Variants in COLEC11 observed in about 807,000 individuals in gnomAD.
The protein encoded by COLEC11 is collectin-11.
In COLEC11, 20 loss-of-function variants were observed where a neutral mutation model predicts 27.3. The observed-to-expected ratio is 0.73, with a 90% CI of 0.51 to 1.06. COLEC11 has a LOEUF of 1.06. COLEC11 is among the 50% of genes least tolerant of loss of function. The pLI is 0.00. For missense variants in COLEC11, 310 were observed against 383.0 expected, an observed-to-expected ratio of 0.81 and a Z score of 1.59; for synonymous variants, 163 against 154.7, an observed-to-expected ratio of 1.05 and a Z score of -0.40.
chr2:3,629,265 C>T (rs551224512), intron 3 of COLEC11, among the ~76,000 whole-genome samples: 9 of 152,324 alleles, frequency 5.9e-5, no homozygotes, highest in South Asian at 4.1e-4. Context: ...TGGATTTCAA[C>T]GGTTCTCACC....
intron 3 of COLEC11, chr2:3,617,451 A>G (rs747671714): frequency 3.1e-5 from 39 of 1,253,144 alleles, no homozygotes; most frequent in East Asian, 1.2e-4. Context: ...ACTTGATCCA[A>G]TCTCTTTGCA....
At chr2:3,597,325 T>C (rs1474141905) in intron 1 of COLEC11, among the ~76,000 whole-genome samples, 4 of 147,832 alleles carry the variant, frequency 2.7e-5, no homozygotes, top group Admixed American at 1.4e-4. Flanking sequence ...TGGGCTGCTC[T>C]GGTGTCAGTG....
At chr2:3,606,944 C>T (rs1469032563) in intron 2 of COLEC11, among the ~76,000 whole-genome samples, 3 of 152,338 alleles carry the variant, frequency 2.0e-5, no homozygotes, top group South Asian at 2.1e-4. Flanking sequence ...ATTAGACAAG[C>T]GTCCGTTGAG....
chr2:3,632,093 G>A (rs2147939805), intron 3 of COLEC11, among the ~76,000 whole-genome samples: 1 of 152,320 alleles, frequency 6.6e-6, no homozygotes, highest in South Asian at 2.1e-4. Context: ...TGCTCGCTGT[G>A]ACCCGAGGCA....
intron 3 of COLEC11, among the ~76,000 whole-genome samples, chr2:3,613,599 A>G (rs529819070): frequency 7.6e-4 from 115 of 152,300 alleles, no homozygotes; most frequent in Middle Eastern, 3.4e-3. Context: ...GCTCTAGGAA[A>G]GAAAGTGTGT....
chr2:3,617,014 T>G (rs1159528233), intron 3 of COLEC11, among the ~76,000 whole-genome samples: 3 of 152,356 alleles, frequency 2.0e-5, no homozygotes, highest in Admixed American at 6.5e-5. Flanking sequence ...CTGTTGTGAA[T>G]AATGCTGCAG....
chr2:3,632,419 T>C (rs888387147), intron 3 of COLEC11, among the ~76,000 whole-genome samples: 4 of 152,128 alleles, frequency 2.6e-5, no homozygotes, highest in Non-Finnish European at 5.9e-5. Flanking sequence ...GGGATCCGGG[T>C]GCCGGCAGGG....
At chr2:3,623,658 A>T (rs35366401) in intron 3 of COLEC11, among the ~76,000 whole-genome samples, 53,718 of 150,638 alleles carry the variant, frequency 0.36, 11,731 homozygotes, top group South Asian at 0.61. Context: ...TTCTTTTTTT[A>T]AAAAAAAATC....
At chr2:3,643,660 GT>G in intron 6 of COLEC11, 66 bp from the exon 7 acceptor site, 1 of 1,611,102 alleles carries the variant, frequency 6.2e-7, no homozygotes, top group Non-Finnish European at 8.5e-7. Context: ...CCTGCTGCCT[GT>G]GGCTGTGCCT....
At chr2:3,620,448 TCTAG>T (rs900020696) in intron 3 of COLEC11, among the ~76,000 whole-genome samples, 17 of 152,130 alleles carry the variant, frequency 1.1e-4, no homozygotes, top group African/African-American at 3.9e-4. Context: ...TTTTTCTTCG[TCTAG>T]CTAAAGGTTC....
chr2:3,635,159 C>G (rs1361123984), intron 3 of COLEC11, among the ~76,000 whole-genome samples: 1 of 151,210 alleles, frequency 6.6e-6, no homozygotes, highest in Non-Finnish European at 1.5e-5. Flanking sequence ...TGACATCCCC[C>G]TCTGTGCCTC....
intron 1 of COLEC11, among the ~76,000 whole-genome samples, chr2:3,596,170 C>A (rs538143013): frequency 1.2e-4 from 19 of 152,126 alleles, no homozygotes; most frequent in African/African-American, 4.3e-4. Flanking sequence ...CGCGGTGGGG[C>A]TGGGGCAGTC....
intron 3 of COLEC11, chr2:3,617,455 C>T (rs1663847202): frequency 1.6e-6 from 2 of 1,278,476 alleles, no homozygotes; most frequent in African/African-American, 3.0e-5. Context: ...GATCCAATCT[C>T]TTTGCATCTT....
chr2:3,615,454 GGGTAA>G (rs1663598101), intron 3 of COLEC11, among the ~76,000 whole-genome samples: 1 of 152,206 alleles, frequency 6.6e-6, no homozygotes, highest in Non-Finnish European at 1.5e-5. Flanking sequence ...AGGGGGTTGG[GGGTAA>G]GGTCAAAGAT....
At chr2:3,626,984 C>A (rs1037442330) in intron 3 of COLEC11, among the ~76,000 whole-genome samples, 1 of 152,180 alleles carries the variant, frequency 6.6e-6, no homozygotes, top group African/African-American at 2.4e-5. Flanking sequence ...CCTGCCAACT[C>A]CCCTGGCCCA....
At chr2:3,639,946 C>T (rs1204873632) in intron 4 of COLEC11, among the ~76,000 whole-genome samples, 2 of 152,200 alleles carry the variant, frequency 1.3e-5, no homozygotes, top group African/African-American at 4.8e-5. Context: ...TCGGGTGCTG[C>T]TGTTGGGAGG....
At chr2:3,601,221 G>C (rs889648247) in intron 1 of COLEC11, among the ~76,000 whole-genome samples, 11 of 152,234 alleles carry the variant, frequency 7.2e-5, no homozygotes, top group African/African-American at 2.4e-4. Context: ...AGGGTGGTGT[G>C]CGGACCATGT....
chr2:3,598,650 G>C (rs771578890), intron 1 of COLEC11, among the ~76,000 whole-genome samples: 13 of 152,188 alleles, frequency 8.5e-5, no homozygotes, highest in Non-Finnish European at 1.3e-4. Flanking sequence ...CGTGAGCACA[G>C]GGGAGAAGGG....
intron 3 of COLEC11, among the ~76,000 whole-genome samples, chr2:3,621,466 C>T (rs1409731046): frequency 6.6e-6 from 1 of 152,058 alleles, no homozygotes; most frequent in African/African-American, 2.4e-5. Context: ...GTTGGGTCTT[C>T]TTTTTATTTA....
Sources: gnomAD v4.1 joint callset for allele counts (sites outside exome capture counted in the v4.1 genomes callset) on GRCh38, gnomAD v4.1.1 for gene constraint, MANE v1.5 for transcripts, NCBI Gene and HGNC (gene_info 2026-07-23, HGNC 2026-07-21) for gene names.